The following SUPT3H variants were observed in gnomAD, a reference collection of about 807,000 sequenced individuals.
SUPT3H encodes the protein transcription initiation protein SPT3 homolog.
SUPT3H carries 44 observed loss-of-function variants against 44.3 expected under a neutral mutation model. That is an observed-to-expected ratio of 0.99 (90% CI 0.78 to 1.28). SUPT3H has a LOEUF of 1.28. Among genes scored for constraint, SUPT3H ranks in the 50% most tolerant of loss-of-function variants. The pLI is 0.00. For missense variants in SUPT3H, 380 were observed against 387.1 expected (o/e 0.98, Z 0.15); for synonymous variants, 124 against 125.6 (o/e 0.99, Z 0.09).
intron 10 of SUPT3H, among the ~76,000 whole-genome samples, chr6:44,918,357 A>G (rs1334320407): frequency 6.6e-6 from 1 of 152,238 alleles, no homozygotes; most frequent in Non-Finnish European, 1.5e-5. Flanking sequence ...AGTTCAAGCT[A>G]CAGACTTATT....
At chr6:45,348,924 C>G (rs562449030) in intron 2 of SUPT3H, among the ~76,000 whole-genome samples, 1 of 152,176 alleles carries the variant, frequency 6.6e-6, no homozygotes, top group Non-Finnish European at 1.5e-5. Context: ...CTTCAGAGTC[C>G]TTATCACAAT....
chr6:45,000,134 A>T (rs1781829056), intron 6 of SUPT3H, among the ~76,000 whole-genome samples: 1 of 151,996 alleles, frequency 6.6e-6, no homozygotes, highest in Admixed American at 6.6e-5. Context: ...TAAACTACAT[A>T]TATCTTTGTA....
chr6:45,094,349 A>G (rs1030264688), intron 3 of SUPT3H, among the ~76,000 whole-genome samples: 1 of 152,144 alleles, frequency 6.6e-6, no homozygotes, highest in African/African-American at 2.4e-5. Flanking sequence ...AAAGGTGAGA[A>G]GATGCTATTT....
chr6:45,308,348 A>G (rs200011414), intron 2 of SUPT3H, among the ~76,000 whole-genome samples: 2 of 152,184 alleles, frequency 1.3e-5, no homozygotes, highest in Non-Finnish European at 2.9e-5. Context: ...CAGCCAGAGA[A>G]AAAGGTCGGG....
intron 2 of SUPT3H, among the ~76,000 whole-genome samples, chr6:45,177,263 G>A (rs989862502): frequency 6.5e-4 from 99 of 152,314 alleles, no homozygotes; most frequent in East Asian, 2.7e-3. Context: ...CAAGAACTTC[G>A]TGAAGAATGC....
intron 2 of SUPT3H, among the ~76,000 whole-genome samples, chr6:45,146,139 T>C (rs949890601): frequency 3.9e-5 from 6 of 152,166 alleles, no homozygotes; most frequent in Admixed American, 2.6e-4. Flanking sequence ...AGTAGCACCA[T>C]CATTTGATCC....
intron 2 of SUPT3H, among the ~76,000 whole-genome samples, chr6:45,215,552 A>C (rs1004603047): frequency 2.0e-5 from 3 of 152,198 alleles, no homozygotes; most frequent in African/African-American, 4.8e-5. Context: ...TTAAAAATGT[A>C]GTACAATTGA....
chr6:44,923,764 CAG>C (rs1461323409), intron 10 of SUPT3H, among the ~76,000 whole-genome samples: 2 of 151,926 alleles, frequency 1.3e-5, no homozygotes, highest in African/African-American at 4.8e-5. Context: ...GATATTGCTG[CAG>C]AGAGTTTAAA....
Position 45,328,580 on chromosome 6 carries a change from G to A in SUPT3H, c.101+36621C>T, listed in dbSNP as rs1786815750. 8 of 1,580,394 alleles carry A rather than the reference G, an allele frequency of 5.1e-6. No homozygotes were observed. The East Asian group carries it at 1.6e-4, about 31-fold the overall frequency. Reference sequence around the variant, plus strand: ...TTACCAGCTACATAATTTCTTGACAGAAAAAAATAAATATAAAGTCTATGT... The same window carrying A: ...TTACCAGCTACATAATTTCTTGACAAAAAAAAATAAATATAAAGTCTATGT... On this transcript the variant is annotated intron_variant, in intron 2 of 10. Coordinates refer to ENST00000371459, the MANE Select transcript of SUPT3H (RefSeq NM_003599.4).
At chr6:45,237,612 T>C (rs1025950615) in intron 2 of SUPT3H, among the ~76,000 whole-genome samples, 1 of 152,184 alleles carries the variant, frequency 6.6e-6, no homozygotes, top group Non-Finnish European at 1.5e-5. Flanking sequence ...GTTTAGGTTA[T>C]CATTTTTGAT....
intron 9 of SUPT3H, among the ~76,000 whole-genome samples, chr6:44,944,307 G>A (rs1216435105): frequency 6.6e-6 from 1 of 151,670 alleles, no homozygotes; most frequent in African/African-American, 2.4e-5. Flanking sequence ...ATAAATTAAA[G>A]GGAATTTCTA....
chr6:44,955,993 G>A (rs1374738628), intron 7 of SUPT3H, among the ~76,000 whole-genome samples: 2 of 151,718 alleles, frequency 1.3e-5, no homozygotes, highest in Non-Finnish European at 2.9e-5. Flanking sequence ...ATGGTAGCGG[G>A]TGCCTGTAGT....
At chr6:45,161,869 C>CT (rs1489100854) in intron 2 of SUPT3H, among the ~76,000 whole-genome samples, 1 of 152,104 alleles carries the variant, frequency 6.6e-6, no homozygotes, top group African/African-American at 2.4e-5. Flanking sequence ...ATTCAAATGT[C>CT]TTTATCACTC....
chr6:44,867,668 C>A (rs1775718948), intron 10 of SUPT3H, among the ~76,000 whole-genome samples: 1 of 152,134 alleles, frequency 6.6e-6, no homozygotes, highest in Non-Finnish European at 1.5e-5. Flanking sequence ...ACAGTAGAAT[C>A]TCATTGGTTC....
chr6:45,300,302 C>G (rs371068066), intron 2 of SUPT3H, among the ~76,000 whole-genome samples: 2 of 152,094 alleles, frequency 1.3e-5, no homozygotes, highest in African/African-American at 4.8e-5. Flanking sequence ...CTTTGTAATA[C>G]GCCAAAAGTT....
intron 6 of SUPT3H, among the ~76,000 whole-genome samples, chr6:44,981,839 G>A (rs1411763529): frequency 2.6e-5 from 4 of 151,094 alleles, no homozygotes; most frequent in South Asian, 2.1e-4. Context: ...TCAGCACTTT[G>A]GGAGGTGAAA....
At chr6:44,905,735 G>A (rs1765931247) in intron 10 of SUPT3H, among the ~76,000 whole-genome samples, 1 of 152,150 alleles carries the variant, frequency 6.6e-6, no homozygotes, top group Non-Finnish European at 1.5e-5. Flanking sequence ...GTTTATTGCG[G>A]CACTATTCAC....
intron 2 of SUPT3H, among the ~76,000 whole-genome samples, chr6:45,356,570 AT>A (rs556384426): frequency 1.2e-4 from 18 of 147,830 alleles, no homozygotes; most frequent in East Asian, 5.9e-4. Context: ...GCTAATGTTT[AT>A]TTTTTTTTTA....
rs987677683 is a variant in SUPT3H, at chr6:45,160,986, G to A, written c.102-54980C>T. Among the ~76,000 whole-genome samples the A allele has an allele frequency of 2.6e-5, 4 of 152,146 alleles. No individual in the cohort carries two copies. The East Asian group carries it at 5.8e-4, about 22-fold the overall frequency. On this transcript the variant is annotated intron_variant, in intron 2 of 10. Coordinates refer to ENST00000371459, the MANE Select transcript of SUPT3H (RefSeq NM_003599.4). ...ATGGGGGCGGATCCCTCATGGCTTA[G>A]TGCTGTCCTTGAAATAGTGAGTTCA...
Sources: gnomAD v4.1 joint callset for allele counts (sites outside exome capture counted in the v4.1 genomes callset) on GRCh38, gnomAD v4.1.1 for gene constraint, MANE v1.5 for transcripts, NCBI Gene and HGNC (gene_info 2026-07-23, HGNC 2026-07-21) for gene names.